Variants in CMYA5 observed in about 807,000 individuals in gnomAD.
The protein encoded by CMYA5 is cardiomyopathy associated 5.
In CMYA5, 246 loss-of-function variants were observed where a neutral mutation model predicts 318.9. The observed-to-expected ratio is 0.77, with a 90% CI of 0.70 to 0.86. The LOEUF (loss-of-function observed/expected upper bound fraction) is 0.86, where lower values mean the gene tolerates loss of function less well. CMYA5 is among the 40% of genes least tolerant of loss of function. The pLI, the probability that CMYA5 is intolerant of heterozygous loss-of-function variation, is 0.00. For synonymous variants in CMYA5, 1,641 were observed against 1,729.5 expected (o/e 0.95, Z 1.27); for missense variants, 4,589 against 4,678.2 (o/e 0.98, Z 0.56).
chr5:79,763,250 G>C (rs1302604900), intron 9 of CMYA5, 41 bp downstream of exon 9: 9 of 1,525,750 alleles, frequency 5.9e-6, no homozygotes, highest in Non-Finnish European at 7.9e-6. Flanking sequence ...CCAGAGCCCA[G>C]TAACCAAGCT....
intron 9 of CMYA5, among the ~76,000 whole-genome samples, chr5:79,763,725 A>T (rs259130): frequency 0.43 from 65,384 of 151,958 alleles, 15,701 homozygotes; most frequent in African/African-American, 0.65. Flanking sequence ...AATGTGACGC[A>T]CTCTCACCAA....
At position 79,737,845 on chromosome 5, in the gene CMYA5, C is replaced by T; in HGVS notation, c.9080C>T (p.Thr3027Ile). 1 of 1,602,654 alleles carries T rather than the reference C, an allele frequency of 6.2e-7. No individual in the cohort carries two copies. The highest frequency in any genetic ancestry group is 1.1e-5 in the South Asian group (1 of 87,544). The change falls in exon 2 of 13, where the codon ACA becomes ATA. Residue 3027 changes from threonine (T) to isoleucine (I), a missense_variant. Physicochemically the swap from Thr to Ile is moderately conservative, Grantham distance 89 (BLOSUM62 -1). This residue lies in a region of CMYA5 where 2,431 missense variants were observed against 2,495.1 expected (regional missense o/e 0.97). Transcript: ENST00000446378. The stretch of plus-strand genomic sequence containing the variant: ...AATAAACAAAAGGAAACTCATAAGA[C>T]AAAAGAAGAGATATCCACAGATTCA... The part of the protein sequence containing the change: ...KENKQKETHK[T>I]KEEISTDSET...
Position 79,733,975 on chromosome 5 carries a change from A to C in CMYA5, c.5210A>C (p.Asn1737Thr), listed in dbSNP as rs1414861660. ...EPPASVAEGG[N>T]PEEFQPFTFS... ...CCTGCCTCTGTAGCTGAAGGAGGCA[A>C]CCCAGAAGAATTTCAGCCATTTACT... is the stretch of plus-strand genomic sequence containing the variant. Residue 1737 changes from asparagine (N) to threonine (T), a missense_variant, in exon 2 of 13, where the codon AAC (asparagine) becomes ACC (threonine). Coordinates refer to ENST00000446378, the MANE Select transcript of CMYA5 (RefSeq NM_153610.5). 6.2e-7 allele frequency: 1 copy of C among 1,613,624 alleles called. No individual in the cohort carries two copies. The highest frequency in any genetic ancestry group is 8.5e-7 in the Non-Finnish European group (1 of 1,179,818).
intron 9 of CMYA5, among the ~76,000 whole-genome samples, chr5:79,785,654 T>TA (rs1201739761): frequency 2.6e-5 from 4 of 152,130 alleles, no homozygotes; most frequent in African/African-American, 9.7e-5. Context: ...TCTTATTATG[T>TA]AAGAGTTTTT....
In CMYA5 at chr5:79,733,178, G is replaced by A; in HGVS notation, c.4413G>A (p.Gly1471=). ...TAGAAGCCAAAGAAGTTAAAGCTGG[G>A]TTGCCAGTAATCAAAACATCATCTT... ...SEVEAKEVKA[G]LPVIKTSSSQ... The change falls in exon 2 of 13, where the codon GGG becomes GGA. Residue 1471 remains glycine (G), a synonymous_variant. Transcript: ENST00000446378. 5 of 1,613,752 alleles carry A rather than the reference G, an allele frequency of 3.1e-6. No homozygotes were observed. Among genetic ancestry groups the A allele is most frequent in the Non-Finnish European group, 4.2e-6 (5 of 1,179,812 alleles).
chr5:79,729,836 C>G lies in CMYA5; in HGVS notation c.1071C>G (p.Leu357=). The G allele has an allele frequency of 1.2e-6, 2 of 1,612,844 alleles. No individual in the cohort carries two copies. ...SSGRAEQGIQ[L]RHSQSVPQQP... is the part of the protein sequence containing the mutation. ...GCAGAGCAGAACAAGGAATACAGCT[C>G]AGGCATTCACAGTCAGTGCCACAAC... The change falls in exon 2 of 13, where the codon CTC becomes CTG. Residue 357 remains leucine (L), a synonymous_variant. Coordinates refer to ENST00000446378, the MANE Select transcript of CMYA5 (RefSeq NM_153610.5).
chr5:79,793,672 C>G (rs775252704), intron 12 of CMYA5, 62 bp downstream of exon 12: 311 of 1,461,972 alleles, frequency 2.1e-4, no homozygotes, highest in Admixed American at 2.5e-4. Context: ...CCAGGCAGGG[C>G]TCTCTGAGGG....
At chr5:79,770,949 G>T (rs116158811) in intron 9 of CMYA5, among the ~76,000 whole-genome samples, 2,486 of 151,578 alleles carry the variant, frequency 0.016, 76 homozygotes, top group African/African-American at 0.057. Context: ...AAGCAGAAGC[G>T]TAAACATAAT....
rs1829306808 is a variant in CMYA5, at chr5:79,798,225, G to A, written c.11964-1145G>A. ...GCTTCTGAGCCTTAAGACAGTTGTT[G>A]CAAGTCTTGAAGATCCTCAGCCCTC... On this transcript the variant is annotated intron_variant, in intron 12 of 12. Transcript: ENST00000446378. Among the ~76,000 whole-genome samples the A allele has an allele frequency of 3.3e-5, 5 of 152,096 alleles. No individual in the cohort carries two copies. The South Asian group carries it at 1.0e-3, about 32-fold the overall frequency.
intron 5 of CMYA5, among the ~76,000 whole-genome samples, chr5:79,751,846 T>C (rs1264414410): frequency 6.6e-6 from 1 of 152,208 alleles, no homozygotes; most frequent in Non-Finnish European, 1.5e-5. Context: ...AGTAGCGTAC[T>C]CTCTGAGGAG....
chr5:79,745,917 G>A (rs1038243662), intron 4 of CMYA5, among the ~76,000 whole-genome samples: 3 of 152,184 alleles, frequency 2.0e-5, no homozygotes, highest in Admixed American at 6.5e-5. Context: ...GTGTGCAAAA[G>A]GATGACATAA....
intron 9 of CMYA5, among the ~76,000 whole-genome samples, chr5:79,767,206 A>G (rs1371234887): frequency 6.6e-6 from 1 of 151,850 alleles, no homozygotes; most frequent in Non-Finnish European, 1.5e-5. Context: ...ATTCTTCTTT[A>G]TTAGTCTGGC....
intron 6 of CMYA5, 58 bp downstream of exon 6, chr5:79,752,852 T>C: frequency 8.1e-7 from 1 of 1,229,374 alleles, no homozygotes; most frequent in Non-Finnish European, 1.2e-6. Context: ...TGCTTGTTTG[T>C]TTTGTATGTA....
rs748674152 is a variant in CMYA5, at chr5:79,745,290, A to G, written c.10803A>G (p.Ala3601=). Residue 3601 remains alanine, a synonymous_variant, in exon 4 of 13, where the codon GCA becomes GCG. Transcript: ENST00000446378. Reference sequence around the variant, plus strand: ...AGGAAATGATGAAGAAGGTTTTAGCACAGTATGATGAGAAAGCCCAGAGCT... The same window carrying G: ...AGGAAATGATGAAGAAGGTTTTAGCGCAGTATGATGAGAAAGCCCAGAGCT... ...QNEEMMKKVL[A]QYDEKAQSFE... 6.2e-7 allele frequency: 1 copy of G among 1,613,356 alleles called. No individual in the cohort carries two copies. Among genetic ancestry groups the G allele is most frequent in the Non-Finnish European group, 8.5e-7 (1 of 1,179,534 alleles).
At chr5:79,771,593 A>T (rs549052417) in intron 9 of CMYA5, among the ~76,000 whole-genome samples, 2 of 152,350 alleles carry the variant, frequency 1.3e-5, no homozygotes, top group Non-Finnish European at 2.9e-5. Context: ...CAGTGATGTC[A>T]TCTCATAAAT....
intron 5 of CMYA5, among the ~76,000 whole-genome samples, chr5:79,751,335 A>G (rs76452781): frequency 0.037 from 5,563 of 152,112 alleles, 348 homozygotes; most frequent in African/African-American, 0.13. Context: ...ACTTGGCCGC[A>G]TCTCCATGCC....
chr5:79,729,088 G>A lies in CMYA5; in HGVS notation c.323G>A (p.Ser108Asn). Reference protein sequence around the residue: ...SEESQTSGVCSREGSTVNSPP... With the variant: ...SEESQTSGVCNREGSTVNSPP... The stretch of plus-strand genomic sequence containing the variant: ...GAAAGTCAGACTTCTGGTGTGTGTA[G>A]TCGGGAAGGGTCAACTGTGAATTCT... Residue 108 changes from serine (S) to asparagine (N), a missense_variant, in exon 2 of 13, where the codon AGT becomes AAT. Around this residue, in one of 3 missense-constraint regions of CMYA5, gnomAD observed 2,132 missense variants for 2,131.3 expected, o/e 1.00. Coordinates refer to ENST00000446378, the MANE Select transcript of CMYA5 (RefSeq NM_153610.5). The A allele has an allele frequency of 1.2e-6, 2 of 1,613,752 alleles. No homozygotes were observed. The highest frequency in any genetic ancestry group is 1.7e-6 in the Non-Finnish European group (2 of 1,179,834).
intron 1 of CMYA5, among the ~76,000 whole-genome samples, chr5:79,701,557 G>T (rs1391399150): frequency 6.6e-6 from 1 of 152,092 alleles, no homozygotes; most frequent in South Asian, 2.1e-4. Flanking sequence ...TTCTAAGATG[G>T]CAAAGACAGA....
chr5:79,757,038 CA>C (rs1828542554), intron 6 of CMYA5, among the ~76,000 whole-genome samples: 1 of 151,636 alleles, frequency 6.6e-6, no homozygotes. Context: ...ACTAAAAATA[CA>C]AAAAAATGAG....
Sources: allele counts gnomAD v4.1 joint callset (sites outside exome capture counted in the v4.1 genomes callset), GRCh38; gene constraint gnomAD v4.1.1; regional missense constraint gnomAD v4.1.1; transcripts MANE v1.5; gene names NCBI Gene and HGNC (gene_info 2026-07-23, HGNC 2026-07-21).